The following ZFHX3 variants were observed in gnomAD, a reference collection of about 807,000 sequenced individuals.
The protein encoded by ZFHX3 is zinc finger homeobox protein 3.
In ZFHX3, 42 loss-of-function variants were observed where a neutral mutation model predicts 279.1. That is an observed-to-expected ratio of 0.15 (90% confidence interval 0.12 to 0.19). ZFHX3 has a LOEUF of 0.19. Among genes scored for constraint, ZFHX3 ranks in the 10% least tolerant of loss-of-function variants. The pLI is 1.00. For synonymous variants in ZFHX3, 2,293 were observed against 1,957.8 expected (o/e 1.17, Z -4.52); for missense variants, 4,981 against 4,754.0 (o/e 1.05, Z -1.40).
intron 4 of ZFHX3, among the ~76,000 whole-genome samples, chr16:72,861,877 T>TGG (rs886288211): frequency 6.6e-6 from 1 of 152,046 alleles, no homozygotes; most frequent in Non-Finnish European, 1.5e-5. Context: ...TAGCCGGGTG[T>TGG]GGTGGCATGA....
chr16:73,216,949 C>T (rs1597225193), intron 5 of ZFHX3, among the ~76,000 whole-genome samples: 2 of 152,134 alleles, frequency 1.3e-5, no homozygotes, highest in African/African-American at 4.8e-5. Flanking sequence ...AAGACATGTT[C>T]CGAAAGCATG....
chr16:73,044,022 T>C (rs896414460), intron 1 of ZFHX3, among the ~76,000 whole-genome samples: 34 of 152,246 alleles, frequency 2.2e-4, no homozygotes, highest in African/African-American at 7.9e-4. Context: ...TCAATCTGAG[T>C]GGCCTGAGGA....
chr16:72,970,291 AT>A (rs1389670440), intron 1 of ZFHX3, among the ~76,000 whole-genome samples: 1 of 152,150 alleles, frequency 6.6e-6, no homozygotes, highest in African/African-American at 2.4e-5. Flanking sequence ...GAATATAATA[AT>A]AAAAAGCAAG....
intron 4 of ZFHX3, among the ~76,000 whole-genome samples, chr16:73,285,302 A>C (rs1011618774): frequency 6.6e-6 from 1 of 152,232 alleles, no homozygotes; most frequent in Non-Finnish European, 1.5e-5. Context: ...CGAAGAGATT[A>C]AGGGATCGGT....
chr16:73,787,489 T>C (rs1216911556), intron 1 of ZFHX3, among the ~76,000 whole-genome samples: 1 of 152,188 alleles, frequency 6.6e-6, no homozygotes, highest in Non-Finnish European at 1.5e-5. Flanking sequence ...CCTGGCATGT[T>C]CTGTGGCTCC....
chr16:72,864,694 G>A (rs557914246), intron 4 of ZFHX3, among the ~76,000 whole-genome samples: 4 of 152,136 alleles, frequency 2.6e-5, no homozygotes, highest in Non-Finnish European at 4.4e-5. Flanking sequence ...CCATGTTATC[G>A]ATCAGTTGAT....
chr16:73,103,195 G>C (rs927883606), intron 7 of ZFHX3, among the ~76,000 whole-genome samples: 2 of 152,292 alleles, frequency 1.3e-5, no homozygotes, highest in East Asian at 3.9e-4. Context: ...AAATCGCTGA[G>C]ATTACAGGCA....
chr16:73,180,181 G>T (rs1305971595), intron 5 of ZFHX3, among the ~76,000 whole-genome samples: 1 of 152,098 alleles, frequency 6.6e-6, no homozygotes, highest in South Asian at 2.1e-4. Flanking sequence ...GCCAACTCTT[G>T]GACCCAGGGG....
At chr16:73,148,776 G>A (rs1966881215) in intron 5 of ZFHX3, among the ~76,000 whole-genome samples, 1 of 151,186 alleles carries the variant, frequency 6.6e-6, no homozygotes, top group Non-Finnish European at 1.5e-5. Context: ...GAGAAACCCT[G>A]TTTCTAATAA....
At chr16:73,796,743 G>C (rs1183016677) in intron 1 of ZFHX3, among the ~76,000 whole-genome samples, 2 of 152,204 alleles carry the variant, frequency 1.3e-5, no homozygotes, top group African/African-American at 4.8e-5. Flanking sequence ...TTCGGGGAGA[G>C]AGTGGGGACA....
chr16:73,698,514 G>T (rs546409673), intron 1 of ZFHX3, among the ~76,000 whole-genome samples: 1 of 152,216 alleles, frequency 6.6e-6, no homozygotes, highest in African/African-American at 2.4e-5. Flanking sequence ...TCTTAACCAA[G>T]AAACCAAGAT....
At chr16:73,618,358 A>G (rs944070577) in intron 2 of ZFHX3, among the ~76,000 whole-genome samples, 5 of 152,184 alleles carry the variant, frequency 3.3e-5, no homozygotes, top group African/African-American at 9.6e-5. Flanking sequence ...GATTCAGGAG[A>G]TCTTCTGAAG....
intron 5 of ZFHX3, among the ~76,000 whole-genome samples, chr16:73,242,969 T>C (rs2144946049): frequency 6.6e-6 from 1 of 152,266 alleles, no homozygotes; most frequent in South Asian, 2.1e-4. Flanking sequence ...GACGTGGCAA[T>C]AGCAAGACAA....
At chr16:72,871,526 G>C (rs960950246) in intron 4 of ZFHX3, among the ~76,000 whole-genome samples, 3 of 151,938 alleles carry the variant, frequency 2.0e-5, no homozygotes, top group Admixed American at 2.0e-4. Context: ...ATTTTTAGTA[G>C]AGACGGGGTT....
At chr16:73,355,954 G>A (rs1006857502) in intron 3 of ZFHX3, among the ~76,000 whole-genome samples, 4 of 152,192 alleles carry the variant, frequency 2.6e-5, no homozygotes, top group South Asian at 2.1e-4. Flanking sequence ...TGTCCTTCCC[G>A]AGTCCAGGGT....
intron 5 of ZFHX3, among the ~76,000 whole-genome samples, chr16:73,215,228 C>G (rs1019665211): frequency 9.9e-5 from 15 of 152,232 alleles, no homozygotes; most frequent in African/African-American, 3.6e-4. Flanking sequence ...CTGCAAGAAT[C>G]TGTCCTCCAG....
intron 1 of ZFHX3, among the ~76,000 whole-genome samples, chr16:73,885,327 A>T (rs1171367322): frequency 6.6e-6 from 1 of 152,222 alleles, no homozygotes; most frequent in Non-Finnish European, 1.5e-5. Flanking sequence ...AAAACTTTTT[A>T]TATGACATTC....
At chr16:73,861,385 A>G (rs781611581) in intron 1 of ZFHX3, among the ~76,000 whole-genome samples, 1 of 152,176 alleles carries the variant, frequency 6.6e-6, no homozygotes, top group Non-Finnish European at 1.5e-5. Flanking sequence ...GGGAAAAATG[A>G]TCTTTAATAC....
Position 72,800,048 on chromosome 16 carries a change from C to T in ZFHX3, c.3946G>A (p.Glu1316Lys). 6.2e-7 allele frequency: 1 copy of T among 1,614,154 alleles called. No homozygotes were observed. Among genetic ancestry groups the T allele is most frequent in the South Asian group, 1.1e-5 (1 of 91,082 alleles). ...VPDRDGNSNLEEAGKQPETSE... is the reference protein window; with the variant it reads ...VPDRDGNSNLKEAGKQPETSE... The stretch of plus-strand genomic sequence containing the variant: ...TGACCAGGCTGCTTTCCTGCCTCTT[C>T]CAAATTGGAATTCCCATCTCGATCT... Residue 1316 changes from glutamate to lysine, a missense_variant, in exon 8 of 10, where the codon GAA (glutamate) becomes AAA (lysine). Coordinates refer to ENST00000268489, the MANE Select transcript of ZFHX3 (RefSeq NM_006885.4).
Sources: allele counts gnomAD v4.1 joint callset (sites outside exome capture counted in the v4.1 genomes callset), GRCh38; gene constraint gnomAD v4.1.1; transcripts MANE v1.5; gene names NCBI Gene and HGNC (gene_info 2026-07-23, HGNC 2026-07-21).